The following CCDC144A variants were observed in gnomAD, a reference collection of about 807,000 sequenced individuals.
The protein encoded by CCDC144A is coiled-coil domain-containing protein 144A.
CCDC144A carries 41 observed loss-of-function variants against 143.8 expected under a neutral mutation model. The ratio of observed to expected loss-of-function variants is 0.29; its 90% CI spans 0.22 to 0.37. The LOEUF is 0.37. CCDC144A is among the 10% of genes least tolerant of loss of function. The probability of loss-of-function intolerance (pLI) is 1.00; values close to 1 mark genes in which losing one functional copy is unlikely to be tolerated. For synonymous variants in CCDC144A, 242 were observed against 517.9 expected (o/e 0.47, Z 7.23); for missense variants, 637 against 1,488.8 (o/e 0.43, Z 9.41).
chr17:16,672,040 G>A, the CCDC144A span, among the ~76,000 whole-genome samples: 2 of 151,956 alleles, frequency 1.3e-5, no homozygotes, highest in East Asian at 3.9e-4. Flanking sequence ...ATTTTCATGA[G>A]TTACCGTTTT....
chr17:16,736,354 C>T (rs1435341471), intron 12 of CCDC144A, among the ~76,000 whole-genome samples: 7 of 151,654 alleles, frequency 4.6e-5, no homozygotes, highest in South Asian at 2.1e-4. Flanking sequence ...TCAGGTGATC[C>T]GCCCGCCTTG....
chr17:16,773,112 C>T (rs1318800331), intron 16 of CCDC144A, among the ~76,000 whole-genome samples: 2 of 151,896 alleles, frequency 1.3e-5, no homozygotes, highest in South Asian at 2.1e-4. Context: ...GCTCTCAACT[C>T]TTTTTTACTG....
intron 15 of CCDC144A, 23 bp from the exon 16 acceptor site, chr17:16,771,954 A>G (rs1915836603): frequency 6.6e-7 from 1 of 1,514,434 alleles, no homozygotes; most frequent in Admixed American, 2.0e-5. Context: ...TAAACGTTAT[A>G]AATAATATTT....
intron 12 of CCDC144A, among the ~76,000 whole-genome samples, chr17:16,760,026 AG>A (rs1915288495): frequency 6.6e-6 from 1 of 152,202 alleles, no homozygotes; most frequent in South Asian, 2.1e-4. Flanking sequence ...GACGTTAGGT[AG>A]GGAAGTCAGC....
At position 16,709,273 on chromosome 17, in the gene CCDC144A, G is replaced by A. The variant is rs776838832; in HGVS notation, c.1216G>A (p.Asp406Asn). The A allele has an allele frequency of 6.2e-7, 1 of 1,611,704 alleles. No homozygotes were observed. The highest frequency in any genetic ancestry group is 1.7e-5 in the Admixed American group (1 of 60,012). ...TGAAAATAAATTAGACTGCGACAAT[G>A]ATAACAAACCAGGCATTGGACATAT... ...LHENKLDCDN[D>N]NKPGIGHIFS... is the part of the protein sequence containing the mutation. The change falls in exon 5 of 17, where the codon GAT (aspartate) becomes AAT (asparagine). Residue 406 changes from aspartate (D) to asparagine (N), a missense_variant. Asp to Asn is a conservative substitution (Grantham distance 23). Coordinates refer to ENST00000399273, the MANE Select transcript of CCDC144A (RefSeq NM_001382000.1).
chr17:16,757,756 G>A (rs1915165610), intron 12 of CCDC144A, among the ~76,000 whole-genome samples: 1 of 152,244 alleles, frequency 6.6e-6, no homozygotes, highest in Non-Finnish European at 1.5e-5. Flanking sequence ...GGTGGCAGTG[G>A]TGTCAGTCAG....
Position 16,762,440 on chromosome 17 carries a change from A to G in CCDC144A, c.3794A>G (p.Gln1265Arg). 1 of 1,586,860 alleles carries G rather than the reference A, an allele frequency of 6.3e-7. No homozygotes were observed. The highest frequency in any genetic ancestry group is 2.3e-5 in the East Asian group (1 of 43,026). Residue 1265 changes from glutamine (Q) to arginine (R), a missense_variant, in exon 14 of 17, where the codon CAA becomes CGA. Gln to Arg is a conservative substitution (Grantham distance 43). Transcript: ENST00000399273. ...ESEISRIKTSQADFNKTELER... is the reference protein window; with the variant it reads ...ESEISRIKTSRADFNKTELER... ...GAAATCTCCAGAATAAAAACTTCGC[A>G]AGCCGACTTTAATAAAACCGAATTG...
intron 12 of CCDC144A, among the ~76,000 whole-genome samples, chr17:16,737,354 G>C (rs1416987314): frequency 2.0e-5 from 3 of 151,344 alleles, no homozygotes; most frequent in Admixed American, 1.3e-4. Flanking sequence ...TTTTAGTAGA[G>C]ACGGGGTTTC....
upstream of CCDC144A, chr17:16,690,210 G>T: frequency 2.2e-6 from 1 of 446,848 alleles, no homozygotes; most frequent in Non-Finnish European, 4.0e-6. Flanking sequence ...AGGCGCACTG[G>T]TCTGTAACGG....
At chr17:16,768,849 A>G (rs1184655967) in intron 15 of CCDC144A, among the ~76,000 whole-genome samples, 1 of 151,348 alleles carries the variant, frequency 6.6e-6, no homozygotes. Flanking sequence ...TGAAGAATGT[A>G]TGGTAAGATT....
intron 3 of CCDC144A, chr17:16,706,286 GT>G (rs1004115921): frequency 6.9e-6 from 1 of 145,964 alleles, no homozygotes; most frequent in African/African-American, 2.7e-5. Flanking sequence ...AGGGATGTTG[GT>G]TTTGGCATTG....
rs747697017 is a variant in CCDC144A at position 16,690,498 on chromosome 17, G to A, written c.98G>A (p.Gly33Glu). 55 of 1,611,114 alleles carry A rather than the reference G, an allele frequency of 3.4e-5. No individual in the cohort carries two copies. Among genetic ancestry groups the A allele is most frequent in the African/African-American group, 2.3e-4 (17 of 74,872 alleles). ...TRKTPSVGSQ[G>E]DQWYLGYPGD... ...AAGACCCCTAGCGTCGGGAGCCAGG[G>A]GGACCAGTGGTACTTGGGCTACCCG... The change falls in exon 1 of 17, where the codon GGG (glycine) becomes GAG (glutamate). Residue 33 changes from glycine (G) to glutamate (E), a missense_variant. Gly to Glu is a moderately conservative substitution (Grantham distance 98). Transcript: ENST00000399273.
intron 6 of CCDC144A, among the ~76,000 whole-genome samples, chr17:16,719,715 C>CA (rs1912976071): frequency 6.6e-6 from 1 of 151,714 alleles, no homozygotes; most frequent in Non-Finnish European, 1.5e-5. Context: ...GAATGATGCA[C>CA]AGTACCTGCA....
chr17:16,684,085 C>G, the CCDC144A span: 1 of 929,696 alleles, frequency 1.1e-6, no homozygotes, highest in African/African-American at 1.6e-5. Context: ...TGTATACAGA[C>G]AGTATGTTTA....
chr17:16,745,712 C>T, intron 12 of CCDC144A: 2 of 1,614,064 alleles, frequency 1.2e-6, no homozygotes, highest in Non-Finnish European at 1.7e-6. Context: ...CACACTCTCG[C>T]GCTCGGAAGT....
chr17:16,711,144 A>AAAAAAC (rs1555531713), intron 5 of CCDC144A, among the ~76,000 whole-genome samples: 1 of 135,482 alleles, frequency 7.4e-6, no homozygotes, highest in African/African-American at 2.8e-5. Context: ...ATGAAAAAAA[A>AAAAAAC]AAAAAAAAAA....
the CCDC144A span, chr17:16,683,588 G>A: frequency 6.2e-7 from 1 of 1,610,750 alleles, no homozygotes; most frequent in African/African-American, 1.3e-5. Context: ...AGGTGGACCG[G>A]TTTCCTGCTG....
chr17:16,688,177 A>T (rs533628786), upstream of CCDC144A, among the ~76,000 whole-genome samples: 1 of 152,178 alleles, frequency 6.6e-6, no homozygotes, highest in African/African-American at 2.4e-5. Context: ...ATCTTCATGC[A>T]TATATCCTTG....
At chr17:16,712,866 T>C (rs1912532140) in intron 6 of CCDC144A, among the ~76,000 whole-genome samples, 1 of 152,156 alleles carries the variant, frequency 6.6e-6, no homozygotes, top group South Asian at 2.1e-4. Context: ...TAAGCCAGTT[T>C]TGTTGGAATT....
Sources: allele counts gnomAD v4.1 joint callset (sites outside exome capture counted in the v4.1 genomes callset), GRCh38; gene constraint gnomAD v4.1.1; transcripts MANE v1.5; gene names NCBI Gene and HGNC (gene_info 2026-07-23, HGNC 2026-07-21).